DLGAP2: variants seen among roughly 807,000 people sequenced by gnomAD.
DLGAP2 encodes DLG associated protein 2, also known as disks large-associated protein 2.
A neutral mutation model predicts 100.3 loss-of-function variants in DLGAP2; 26 were observed. The ratio of observed to expected loss-of-function variants is 0.26; its 90% confidence interval spans 0.19 to 0.36. DLGAP2 has a LOEUF of 0.36. Ranked by LOEUF, DLGAP2 falls within the 10% of genes least tolerant of loss-of-function variation. The pLI is 1.00. For missense variants in DLGAP2, 1,858 were observed against 1,453.2 expected (o/e 1.28, Z -4.53); for synonymous variants, 886 against 630.1 (o/e 1.41, Z -6.08).
intron 2 of DLGAP2, among the ~76,000 whole-genome samples, chr8:1,036,162 C>A (rs553025199): frequency 6.8e-6 from 1 of 148,148 alleles, no homozygotes; most frequent in African/African-American, 2.5e-5. Flanking sequence ...AGTGGATTCA[C>A]ACGCTCATCC....
Position 1,061,077 on chromosome 8 carries a change from C to T in DLGAP2, c.73+153111C>T, listed in dbSNP as rs1563170584. Among the ~76,000 whole-genome samples the T allele has an allele frequency of 2.0e-5, 3 of 152,246 alleles. No homozygotes were observed. In the South Asian group the frequency reaches 6.2e-4, roughly 31 times the overall value. ...GGAACGAATTCCCTGATGCACCCTA[C>T]ACCTTTCCAGCATGAAGAACCCATC... On this transcript the variant is annotated intron_variant, in intron 2 of 14. Transcript: ENST00000637795.
At chr8:1,686,326 G>A (rs1409028224) in intron 12 of DLGAP2, among the ~76,000 whole-genome samples, 1 of 152,220 alleles carries the variant, frequency 6.6e-6, no homozygotes, top group South Asian at 2.1e-4. Flanking sequence ...ATTATGTTAA[G>A]TGAGATAAGC....
chr8:1,077,021 T>C (rs1803641486), intron 2 of DLGAP2, among the ~76,000 whole-genome samples: 1 of 140,974 alleles, frequency 7.1e-6, no homozygotes. Context: ...GAGGAGTCTG[T>C]CCCGGGCCCC....
chr8:895,399 A>C (rs1243663692), intron 1 of DLGAP2, among the ~76,000 whole-genome samples: 1 of 152,138 alleles, frequency 6.6e-6, no homozygotes, highest in Non-Finnish European at 1.5e-5. Context: ...GTGCTGAGAC[A>C]CAGCAGCTCT....
intron 3 of DLGAP2, among the ~76,000 whole-genome samples, chr8:1,346,291 C>G (rs1801553689): frequency 1.3e-5 from 2 of 151,506 alleles, no homozygotes; most frequent in South Asian, 4.2e-4. Flanking sequence ...CCATACACAT[C>G]TGCATTGCTC....
intron 6 of DLGAP2, among the ~76,000 whole-genome samples, chr8:1,598,831 A>AT (rs1161035785): frequency 2.6e-5 from 4 of 151,726 alleles, no homozygotes; most frequent in Non-Finnish European, 2.9e-5. Flanking sequence ...AGATTCATTG[A>AT]TTTTTTTTGA....
chr8:797,476 A>G (rs993233752), intron 1 of DLGAP2, among the ~76,000 whole-genome samples: 19 of 152,044 alleles, frequency 1.2e-4, no homozygotes, highest in African/African-American at 4.3e-4. Context: ...GGCTGTTGGG[A>G]ATTTGAGGCT....
intron 2 of DLGAP2, among the ~76,000 whole-genome samples, chr8:1,226,083 C>G (rs1225614082): frequency 1.3e-5 from 2 of 151,754 alleles, no homozygotes; most frequent in African/African-American, 4.8e-5. Context: ...GGGGTAATAT[C>G]CAAAATTTAT....
intron 2 of DLGAP2, among the ~76,000 whole-genome samples, chr8:1,202,325 G>T (rs544150272): frequency 1.4e-4 from 21 of 151,286 alleles, no homozygotes; most frequent in Admixed American, 3.3e-4. Context: ...TGTACTGGGG[G>T]TGAGGCCTGG....
chr8:1,433,105 C>G (rs890973569), intron 3 of DLGAP2, among the ~76,000 whole-genome samples: 26 of 152,272 alleles, frequency 1.7e-4, no homozygotes, highest in African/African-American at 5.5e-4. Context: ...GCCACACGTC[C>G]CCAGTGTGTG....
chr8:1,675,996 C>T (rs1309203227), intron 10 of DLGAP2, among the ~76,000 whole-genome samples: 1 of 152,178 alleles, frequency 6.6e-6, no homozygotes, highest in African/African-American at 2.4e-5. Context: ...TCTGACGTCA[C>T]CCTGCTGGCC....
At chr8:1,501,593 A>G (rs1799725739) in intron 4 of DLGAP2, among the ~76,000 whole-genome samples, 162 bp downstream of exon 4, 2 of 152,210 alleles carry the variant, frequency 1.3e-5, no homozygotes, top group Admixed American at 1.3e-4. Context: ...TCCAAAAATA[A>G]TAGTTTTTAA....
At chr8:1,319,977 G>A (rs1800857572) in intron 3 of DLGAP2, among the ~76,000 whole-genome samples, 1 of 151,964 alleles carries the variant, frequency 6.6e-6, no homozygotes, top group Non-Finnish European at 1.5e-5. Context: ...GGAGTAACAG[G>A]GGTGGGGGAG....
intron 4 of DLGAP2, among the ~76,000 whole-genome samples, chr8:1,519,402 T>G (rs1188285534): frequency 1.3e-5 from 2 of 152,272 alleles, no homozygotes; most frequent in Admixed American, 6.5e-5. Context: ...GCACGACAAG[T>G]TCATTAACCT....
At chr8:893,292 T>C (rs1798073920) in intron 1 of DLGAP2, among the ~76,000 whole-genome samples, 1 of 152,166 alleles carries the variant, frequency 6.6e-6, no homozygotes, top group African/African-American at 2.4e-5. Context: ...TTTTGCAGAA[T>C]GTCCGACAGC....
chr8:1,312,674 C>T (rs146386358), intron 3 of DLGAP2, among the ~76,000 whole-genome samples: 1 of 152,180 alleles, frequency 6.6e-6, no homozygotes, highest in Admixed American at 6.5e-5. Flanking sequence ...TTTATGTCAT[C>T]TGTACCAGAA....
chr8:1,320,223 A>C (rs979063555), intron 3 of DLGAP2, among the ~76,000 whole-genome samples: 1 of 151,988 alleles, frequency 6.6e-6, no homozygotes, highest in Non-Finnish European at 1.5e-5. Flanking sequence ...TAAGGATGAA[A>C]TGATTTGCAG....
chr8:965,024 G>C (rs2701954), intron 2 of DLGAP2, among the ~76,000 whole-genome samples: 19 of 147,154 alleles, frequency 1.3e-4, no homozygotes, highest in Non-Finnish European at 2.4e-4. Flanking sequence ...TGACCCCTGC[G>C]CTGCACATGG....
chr8:1,458,005 T>C (rs1352140161), intron 3 of DLGAP2, among the ~76,000 whole-genome samples: 2 of 134,486 alleles, frequency 1.5e-5, no homozygotes, highest in African/African-American at 5.4e-5. Context: ...TATATATATA[T>C]ATATATATAA....
Sources: allele counts gnomAD v4.1 joint callset (sites outside exome capture counted in the v4.1 genomes callset), GRCh38; gene constraint gnomAD v4.1.1; transcripts MANE v1.5; gene names NCBI Gene and HGNC (gene_info 2026-07-23, HGNC 2026-07-21).